The following PTPRN2 variants were observed in gnomAD, a reference collection of about 807,000 sequenced individuals.
The protein encoded by PTPRN2 is protein tyrosine phosphatase receptor type N2.
A neutral mutation model predicts 118.8 loss-of-function variants in PTPRN2; 74 were observed. That is an observed-to-expected ratio of 0.62 (90% confidence interval 0.52 to 0.76). The LOEUF (loss-of-function observed/expected upper bound fraction) is 0.76, where lower values mean the gene tolerates loss of function less well. PTPRN2 is among the 30% of genes least tolerant of loss of function. The pLI is 0.00. For synonymous variants in PTPRN2, 641 were observed against 608.0 expected, an observed-to-expected ratio of 1.05 and a Z score of -0.80; for missense variants, 1,481 against 1,394.4, an observed-to-expected ratio of 1.06 and a Z score of -0.99.
chr7:158,502,048 G>A (rs566177955), intron 1 of PTPRN2, among the ~76,000 whole-genome samples: 1 of 152,218 alleles, frequency 6.6e-6, no homozygotes, highest in Admixed American at 6.5e-5. Context: ...TCCTCTCCTC[G>A]TTCCGACTCT....
intron 12 of PTPRN2, among the ~76,000 whole-genome samples, chr7:157,822,065 T>C (rs1806876406): frequency 6.6e-6 from 1 of 151,464 alleles, no homozygotes; most frequent in African/African-American, 2.4e-5. Context: ...CACTCATCCA[T>C]CCATCTATAT....
intron 3 of PTPRN2, among the ~76,000 whole-genome samples, chr7:158,305,245 G>C (rs1283560724): frequency 6.6e-6 from 1 of 152,110 alleles, no homozygotes; most frequent in Non-Finnish European, 1.5e-5. Context: ...TTTTATTTTT[G>C]GTTTATACTC....
chr7:157,807,676 G>C (rs1170270886), intron 12 of PTPRN2, among the ~76,000 whole-genome samples: 1 of 152,242 alleles, frequency 6.6e-6, no homozygotes, highest in Non-Finnish European at 1.5e-5. Flanking sequence ...ACATCCTGGA[G>C]CTTTGTACTG....
chr7:158,454,357 CAA>C (rs1327013653), intron 2 of PTPRN2, among the ~76,000 whole-genome samples: 1 of 150,922 alleles, frequency 6.6e-6, no homozygotes, highest in African/African-American at 2.4e-5. Flanking sequence ...AGAGGACAGA[CAA>C]GACACAACAC....
At chr7:157,563,436 C>T (rs1274844489) in intron 21 of PTPRN2, among the ~76,000 whole-genome samples, 5 of 90,346 alleles carry the variant, frequency 5.5e-5, no homozygotes, top group Non-Finnish European at 6.6e-5. Flanking sequence ...CGTGCTCCCA[C>T]GTCACCACAC....
At chr7:157,975,326 G>A (rs141522159) in intron 11 of PTPRN2, among the ~76,000 whole-genome samples, 11 of 152,216 alleles carry the variant, frequency 7.2e-5, no homozygotes, top group South Asian at 2.1e-4. Context: ...CTGTACTTTC[G>A]GATAAGGACT....
intron 3 of PTPRN2, among the ~76,000 whole-genome samples, chr7:158,264,559 G>A (rs1339193257): frequency 2.6e-5 from 4 of 152,182 alleles, no homozygotes; most frequent in African/African-American, 9.7e-5. Context: ...GGTGGCAGCA[G>A]GTGACAGTGG....
chr7:158,323,752 C>T (rs1321705686), intron 2 of PTPRN2, among the ~76,000 whole-genome samples: 5 of 152,272 alleles, frequency 3.3e-5, no homozygotes, highest in Non-Finnish European at 7.3e-5. Context: ...ACACAGGCCT[C>T]CTCCAGGACC....
At position 157,585,871 on chromosome 7, in the gene PTPRN2, C is replaced by G. The variant is rs1162653462; in HGVS notation, c.2497-7731G>C. Among the ~76,000 whole-genome samples, 1 of 152,174 alleles carries G rather than the reference C, an allele frequency of 6.6e-6. No individual in the cohort carries two copies. The highest frequency in any genetic ancestry group is 1.5e-5 in the Non-Finnish European group (1 of 68,042). On this transcript the variant is annotated intron_variant, in intron 17 of 22. Coordinates refer to ENST00000389418, the MANE Select transcript of PTPRN2 (RefSeq NM_002847.5). The surrounding 1 kb of genome is among the most constrained non-coding windows in gnomAD (Gnocchi z 5.2). ...GAATCAGTCAGAAAGGAAAGCCGGACCTGTCCTTTCTACTTGAGTCCCATT... is the reference window on the plus strand; with the variant it reads ...GAATCAGTCAGAAAGGAAAGCCGGAGCTGTCCTTTCTACTTGAGTCCCATT...
intron 12 of PTPRN2, among the ~76,000 whole-genome samples, chr7:157,838,162 G>A (rs1808109859): frequency 6.8e-6 from 1 of 147,064 alleles, no homozygotes; most frequent in African/African-American, 2.6e-5. Context: ...TCTCCACTAT[G>A]CCTACTCCAG....
chr7:157,878,687 G>A (rs1795935261), intron 12 of PTPRN2, among the ~76,000 whole-genome samples: 1 of 142,852 alleles, frequency 7.0e-6, no homozygotes, highest in African/African-American at 2.7e-5. Context: ...AAGGGTCAGT[G>A]TGATACCATG....
intron 1 of PTPRN2, among the ~76,000 whole-genome samples, chr7:158,558,758 A>G (rs1196894563): frequency 4.3e-5 from 5 of 116,748 alleles, no homozygotes; most frequent in East Asian, 2.5e-4. Context: ...GTGCTAGACT[A>G]AAAAAAAAAA....
At chr7:157,823,035 C>T (rs1166927835) in intron 12 of PTPRN2, among the ~76,000 whole-genome samples, 2 of 152,104 alleles carry the variant, frequency 1.3e-5, no homozygotes, top group African/African-American at 4.8e-5. Context: ...TCTTTCTATC[C>T]TTCCATCCTT....
At chr7:157,889,324 C>T (rs1252298849) in intron 12 of PTPRN2, among the ~76,000 whole-genome samples, 1 of 151,972 alleles carries the variant, frequency 6.6e-6, no homozygotes, top group Non-Finnish European at 1.5e-5. Flanking sequence ...TAATCACCAC[C>T]AGGCTTCCTT....
chr7:157,801,036 TATATATACAC>T lies in PTPRN2; in HGVS notation c.1788+97627_1788+97636del, dbSNP rs543687692. On this transcript the variant is annotated intron_variant, in intron 12 of 22. Coordinates refer to ENST00000389418, the MANE Select transcript of PTPRN2 (RefSeq NM_002847.5). This position sits in a 1 kb window ranked among gnomAD's most constrained non-coding sequence, Gnocchi z 4.2. ...ATATACACACACATATATATACACA[TATATATACAC>T]ATATATACACATATATATACACATA... is the stretch of plus-strand genomic sequence containing the variant. Among the ~76,000 whole-genome samples, 12,592 of 147,672 alleles carry T rather than the reference TATATATACAC, an allele frequency of 0.085. 599 individuals are homozygous for T. Among genetic ancestry groups the T allele is most frequent in the Middle Eastern group, 0.18 (50 of 276 alleles).
At chr7:158,486,432 A>G (rs1021236057) in intron 2 of PTPRN2, among the ~76,000 whole-genome samples, 7 of 152,250 alleles carry the variant, frequency 4.6e-5, no homozygotes, top group African/African-American at 1.7e-4. Flanking sequence ...CCATGAAATC[A>G]AATCCGCTTT....
At chr7:158,513,664 A>G (rs1223314635) in intron 1 of PTPRN2, among the ~76,000 whole-genome samples, 1 of 152,254 alleles carries the variant, frequency 6.6e-6, no homozygotes, top group Non-Finnish European at 1.5e-5. Context: ...ATATGAAGCC[A>G]TCAAAATGCT....
chr7:158,340,423 A>C (rs75317516), intron 2 of PTPRN2, among the ~76,000 whole-genome samples: 5,054 of 17,834 alleles, frequency 0.28, 352 homozygotes, highest in Middle Eastern at 0.36. Flanking sequence ...TCACTCACAC[A>C]CACACTCTCA....
intron 12 of PTPRN2, among the ~76,000 whole-genome samples, chr7:157,730,811 G>A (rs112383831): frequency 0.026 from 3,951 of 152,224 alleles, 148 homozygotes; most frequent in African/African-American, 0.087. Context: ...GGCACATGGC[G>A]GAGACATGCA....
Sources: allele counts gnomAD v4.1 joint callset (sites outside exome capture counted in the v4.1 genomes callset), GRCh38; gene constraint gnomAD v4.1.1; non-coding constraint Gnocchi (gnomAD v3.1); transcripts MANE v1.5; gene names NCBI Gene and HGNC (gene_info 2026-07-23, HGNC 2026-07-21).